Variants in SNTG1 observed in about 807,000 individuals in gnomAD.
The protein encoded by SNTG1 is gamma-1-syntrophin.
In SNTG1, 39 loss-of-function variants were observed where a neutral mutation model predicts 74.7. The ratio of observed to expected loss-of-function variants is 0.52; its 90% confidence interval spans 0.40 to 0.68. SNTG1 has a LOEUF of 0.68. Ranked by LOEUF, SNTG1 falls within the 30% of genes least tolerant of loss-of-function variation. SNTG1 has a pLI of 0.00. For synonymous variants in SNTG1, 254 were observed against 217.1 expected (o/e 1.17, Z -1.49); for missense variants, 685 against 609.5 (o/e 1.12, Z -1.30).
At chr8:50,273,379 T>G (rs2087897554) in intron 2 of SNTG1, among the ~76,000 whole-genome samples, 1 of 152,210 alleles carries the variant, frequency 6.6e-6, no homozygotes, top group Non-Finnish European at 1.5e-5. Context: ...GACACATTGA[T>G]GTGGCATCTA....
At position 50,319,661 on chromosome 8, in the gene SNTG1, G is replaced by C. The variant is rs28847602; in HGVS notation, c.-27-74551G>C. Among the ~76,000 whole-genome samples, 785 of 152,234 alleles carry C rather than the reference G, an allele frequency of 5.2e-3. 5 individuals carry two copies. The highest frequency in any genetic ancestry group is 0.018 in the African/African-American group (746 of 41,542). ...GTCATGTTCCAAATCTAAGAGAAAA[G>C]ACTTTTTTCAGTTTTTCCCCATTCA... On this transcript the variant is annotated intron_variant, in intron 2 of 18. Coordinates refer to ENST00000642720, the MANE Select transcript of SNTG1 (RefSeq NM_018967.5).
At chr8:50,397,158 G>A (rs1213173057) in intron 3 of SNTG1, among the ~76,000 whole-genome samples, 1 of 151,928 alleles carries the variant, frequency 6.6e-6, no homozygotes, top group African/African-American at 2.4e-5. Context: ...AATTATGTTT[G>A]GTGTATATTT....
intron 2 of SNTG1, among the ~76,000 whole-genome samples, chr8:50,340,798 A>G (rs1301280302): frequency 6.6e-6 from 1 of 151,940 alleles, no homozygotes; most frequent in African/African-American, 2.4e-5. Flanking sequence ...ATTAAAAATG[A>G]TGCACTCTGT....
intron 13 of SNTG1, among the ~76,000 whole-genome samples, chr8:50,615,411 T>G (rs2094879297): frequency 1.3e-5 from 2 of 152,218 alleles, no homozygotes; most frequent in African/African-American, 4.8e-5. Context: ...TAAAGCATCT[T>G]AGGATTTCCA....
chr8:50,448,089 C>T (rs954578743), intron 5 of SNTG1, among the ~76,000 whole-genome samples: 4 of 152,150 alleles, frequency 2.6e-5, no homozygotes, highest in African/African-American at 9.7e-5. Context: ...TTGTTAGGGA[C>T]ACACAGACCA....
chr8:50,358,102 G>A lies in SNTG1; in HGVS notation c.-27-36110G>A, dbSNP rs546282452. Among the ~76,000 whole-genome samples, 11 of 152,194 alleles carry A rather than the reference G, an allele frequency of 7.2e-5. No individual in the cohort carries two copies. The South Asian group carries it at 2.3e-3, about 32-fold the overall frequency. ...AATATTGATTGTGTCCCACCATGTG[G>A]CAGGCTCTGTGCTGGGTGCTAGGAA... is the stretch of plus-strand genomic sequence containing the variant. On this transcript the variant is annotated intron_variant, in intron 2 of 18. Coordinates refer to ENST00000642720, the MANE Select transcript of SNTG1 (RefSeq NM_018967.5).
chr8:50,160,200 C>A (rs1447836426), intron 1 of SNTG1, among the ~76,000 whole-genome samples: 1 of 152,112 alleles, frequency 6.6e-6, no homozygotes, highest in African/African-American at 2.4e-5. Flanking sequence ...GTTGGAAGAA[C>A]TATTTCTAGA....
intron 11 of SNTG1, among the ~76,000 whole-genome samples, chr8:50,551,318 C>T (rs1042338279): frequency 3.3e-4 from 50 of 152,044 alleles, no homozygotes; most frequent in African/African-American, 1.2e-3. Context: ...AACTTATAAG[C>T]CTAGTTTCAT....
intron 2 of SNTG1, among the ~76,000 whole-genome samples, chr8:50,375,406 C>G (rs1004123048): frequency 6.6e-6 from 1 of 151,632 alleles, no homozygotes; most frequent in Non-Finnish European, 1.5e-5. Context: ...ATACGACTTA[C>G]AGAGGAGCCA....
rs573970450 is a variant in SNTG1 at position 50,508,092 on chromosome 8, C to T, written c.466+5212C>T. Reference sequence around the variant, plus strand: ...ACTCCCCACTCCCCTCAACAGGCTACGGTATGTGATGTTCCCCTTCCTGTG... The same window carrying T: ...ACTCCCCACTCCCCTCAACAGGCTATGGTATGTGATGTTCCCCTTCCTGTG... On this transcript the variant is annotated intron_variant, in intron 9 of 18. Coordinates refer to ENST00000642720, the MANE Select transcript of SNTG1 (RefSeq NM_018967.5). Among the ~76,000 whole-genome samples the T allele has an allele frequency of 4.6e-5, 7 of 150,752 alleles. No homozygotes were observed. In the East Asian group the frequency reaches 7.8e-4, roughly 17 times the overall value.
intron 1 of SNTG1, among the ~76,000 whole-genome samples, chr8:50,112,442 T>C (rs2080628643): frequency 6.6e-6 from 1 of 151,092 alleles, no homozygotes; most frequent in African/African-American, 2.4e-5. Context: ...AAAACCTTAA[T>C]TAAAAAACTA....
rs2095200090 is a variant in SNTG1 at position 50,658,808 on chromosome 8, C to T, written c.1038+145C>T. 7 of 583,294 alleles carry T rather than the reference C, an allele frequency of 1.2e-5. No individual in the cohort carries two copies. In the Middle Eastern group the frequency reaches 1.6e-3, roughly 137 times the overall value. 36.1% of individuals were successfully genotyped at this position (583,294 alleles called of 1,614,324 possible). On this transcript the variant is annotated intron_variant, in intron 15 of 18. Coordinates refer to ENST00000642720, the MANE Select transcript of SNTG1 (RefSeq NM_018967.5). ...ACAAATGAAAGAGAAAGAAAATAAACTGGACAAAAAAGAGAAAATATAGAA... is the reference window on the plus strand; with the variant it reads ...ACAAATGAAAGAGAAAGAAAATAAATTGGACAAAAAAGAGAAAATATAGAA...
chr8:50,488,154 T>C (rs1030633870), intron 8 of SNTG1, among the ~76,000 whole-genome samples: 3 of 152,182 alleles, frequency 2.0e-5, no homozygotes, highest in Non-Finnish European at 4.4e-5. Flanking sequence ...CTGGGCTCTA[T>C]AGATAAAGAC....
At chr8:49,938,987 A>G (rs1040269833) in intron 1 of SNTG1, among the ~76,000 whole-genome samples, 2 of 152,030 alleles carry the variant, frequency 1.3e-5, no homozygotes, top group African/African-American at 4.8e-5. Context: ...ATGGATTCTT[A>G]GGTTATTTTC....
intron 17 of SNTG1, among the ~76,000 whole-genome samples, chr8:50,727,740 C>T (rs531299226): frequency 3.0e-4 from 46 of 152,168 alleles, no homozygotes; most frequent in Non-Finnish European, 5.4e-4. Context: ...AAGTTTGCCT[C>T]CTGGGCTAAC....
rs1163637761 is a variant in SNTG1 at position 49,932,865 on chromosome 8, T to C, written c.-103+20634T>C. Among the ~76,000 whole-genome samples, 6 of 152,230 alleles carry C rather than the reference T, an allele frequency of 3.9e-5. No homozygotes were observed. In the South Asian group the frequency reaches 8.3e-4, roughly 21 times the overall value. ...TGGACATTTAATATAAATGAAGTCATAAAATCTGTGGTCTTATGTGATTGA... is the reference window on the plus strand; with the variant it reads ...TGGACATTTAATATAAATGAAGTCACAAAATCTGTGGTCTTATGTGATTGA... On this transcript the variant is annotated intron_variant, in intron 1 of 18. Transcript: ENST00000642720.
intron 16 of SNTG1, 83 bp from the exon 17 acceptor site, chr8:50,708,803 T>C: frequency 1.2e-6 from 1 of 809,978 alleles, no homozygotes; most frequent in Non-Finnish European, 2.1e-6. Flanking sequence ...ATGAAGTACT[T>C]ATTGCAGAAG....
At chr8:50,616,742 T>C (rs563943150) in intron 13 of SNTG1, among the ~76,000 whole-genome samples, 1 of 152,364 alleles carries the variant, frequency 6.6e-6, no homozygotes, top group South Asian at 2.1e-4. Context: ...TGTGCCTTTC[T>C]GTGGAACATA....
At chr8:50,254,853 G>GAA (rs11377291) in intron 2 of SNTG1, among the ~76,000 whole-genome samples, 50 of 142,590 alleles carry the variant, frequency 3.5e-4, no homozygotes, top group African/African-American at 9.2e-4. Flanking sequence ...ACTCCTCAAA[G>GAA]AAAAAAAAAA....
Sources: allele counts gnomAD v4.1 joint callset (sites outside exome capture counted in the v4.1 genomes callset), GRCh38; gene constraint gnomAD v4.1.1; transcripts MANE v1.5; gene names NCBI Gene and HGNC (gene_info 2026-07-23, HGNC 2026-07-21).